ETFDH: variants seen among roughly 807,000 people sequenced by gnomAD.
The protein encoded by ETFDH is electron transfer flavoprotein dehydrogenase.
A neutral mutation model predicts 73.2 loss-of-function variants in ETFDH; 61 were observed. The ratio of observed to expected loss-of-function variants is 0.83; its 90% CI spans 0.68 to 1.03. ETFDH has a LOEUF of 1.03. Among genes scored for constraint, ETFDH ranks in the 50% least tolerant of loss-of-function variants. The pLI, the probability that ETFDH is intolerant of heterozygous loss-of-function variation, is 0.00. For synonymous variants in ETFDH, 243 were observed against 253.3 expected, an observed-to-expected ratio of 0.96 and a Z score of 0.39; for missense variants, 685 against 745.0, an observed-to-expected ratio of 0.92 and a Z score of 0.94.
chr4:158,708,039 G>A (rs925707526), intron 12 of ETFDH, among the ~76,000 whole-genome samples: 1 of 152,244 alleles, frequency 6.6e-6, no homozygotes, highest in African/African-American at 2.4e-5. Context: ...GTCTACTGGG[G>A]ATCTTGGAAC....
rs143095433 is a variant in ETFDH, at chr4:158,704,097, C to G, written c.1285+506C>G. Among the ~76,000 whole-genome samples, 1,285 of 152,274 alleles carry G rather than the reference C, an allele frequency of 8.4e-3. 16 individuals are homozygous for G. Among genetic ancestry groups the G allele is most frequent in the Middle Eastern group, 0.024 (7 of 294 alleles). On this transcript the variant is annotated intron_variant, in intron 10 of 12. Coordinates refer to ENST00000511912, the MANE Select transcript of ETFDH (RefSeq NM_004453.4). Reference sequence around the variant, plus strand: ...CTGGGCAACAAGAGCAAAACTCCATCCCCCACACACAAAAAAGAAAAGAAC... The same window carrying G: ...CTGGGCAACAAGAGCAAAACTCCATGCCCCACACACAAAAAAGAAAAGAAC...
chr4:158,690,293 TCAAGA>T, intron 5 of ETFDH, 50 bp from the exon 6 acceptor site: 1 of 979,350 alleles, frequency 1.0e-6, no homozygotes, highest in Non-Finnish European at 1.7e-6. Context: ...ACTGTTTTTT[TCAAGA>T]TTATTATGAA....
chr4:158,687,524 G>A (rs1774036701), intron 5 of ETFDH, among the ~76,000 whole-genome samples: 1 of 152,098 alleles, frequency 6.6e-6, no homozygotes, highest in African/African-American at 2.4e-5. Context: ...TTTGAGTTTT[G>A]AGTTCTTTCA....
rs1773777689 is a variant in ETFDH at position 158,678,926 on chromosome 4, A to T, written c.35-1541A>T. Among the ~76,000 whole-genome samples the T allele has an allele frequency of 2.0e-5, 3 of 152,222 alleles. No individual in the cohort carries two copies. In the Middle Eastern group the frequency reaches 0.01, roughly 518 times the overall value. ...TCCTCCCGCCTTAGCTGAGATTTAC[A>T]GTCATGAGCCACTGTGCCCAGCCAA... On this transcript the variant is annotated intron_variant, in intron 1 of 12. Transcript: ENST00000511912.
At chr4:158,698,397 A>T (rs1031441292) in intron 8 of ETFDH, among the ~76,000 whole-genome samples, 1 of 152,198 alleles carries the variant, frequency 6.6e-6, no homozygotes, top group Non-Finnish European at 1.5e-5. Flanking sequence ...ACTTAATTGT[A>T]TCAAAGGAAA....
In ETFDH at chr4:158,709,515, G is replaced by C; in HGVS notation, c.*988G>C. The C allele has an allele frequency of 2.8e-6, 1 of 359,676 alleles. No individual in the cohort carries two copies. The highest frequency in any genetic ancestry group is 5.7e-5 in the South Asian group (1 of 17,656). 22.3% of individuals were successfully genotyped at this position (359,676 alleles called of 1,614,324 possible). The stretch of plus-strand genomic sequence containing the variant: ...CCACCGCACTCCAGCCTGGGTGACA[G>C]AGCAAGACTCCATCTCAAAGAAACA... On this transcript the variant is annotated 3_prime_UTR_variant, in exon 13 of 13. Transcript: ENST00000511912.
At position 158,708,694 on chromosome 4, in the gene ETFDH, C is replaced by T. The variant is rs1008241972; in HGVS notation, c.*167C>T. The T allele has an allele frequency of 1.3e-5, 8 of 622,542 alleles. No individual in the cohort carries two copies. Among genetic ancestry groups the T allele is most frequent in the East Asian group, 2.9e-5 (1 of 35,014 alleles). The allele number at this position is 622,542 out of a possible 1,614,324, so 38.6% of individuals were successfully genotyped here. A position where few individuals can be genotyped will look rare whatever the true frequency, so the allele number is the denominator to read the frequency against. ...GTAAGATTGTCCCATAAAGAAATTA[C>T]GGGTATTGCTTTTAAATAACCTTTA... On this transcript the variant is annotated 3_prime_UTR_variant, in exon 13 of 13. Coordinates refer to ENST00000511912, the MANE Select transcript of ETFDH (RefSeq NM_004453.4).
chr4:158,708,423 C>G lies in ETFDH; in HGVS notation c.1750C>G (p.Gln584Glu). The change falls in exon 13 of 13, where the codon CAG (glutamine) becomes GAG (glutamate). Residue 584 changes from glutamine (Q) to glutamate (E), a missense_variant. Coordinates refer to ENST00000511912, the MANE Select transcript of ETFDH (RefSeq NM_004453.4). ...TGGATTTCGGTTACAGATAAATGCT[C>G]AGAACTGTGTACATTGTAAAACATG... ...GDGFRLQINA[Q>E]NCVHCKTCDI... is the part of the protein sequence containing the mutation. 6.2e-7 allele frequency: 1 copy of G among 1,610,990 alleles called. No homozygotes were observed. The highest frequency in any genetic ancestry group is 8.5e-7 in the Non-Finnish European group (1 of 1,177,202).
Position 158,685,189 on chromosome 4 carries a change from TG to T in ETFDH, c.577del (p.Glu193LysfsTer19). On this transcript the variant is annotated frameshift_variant, in exon 5 of 13. Transcript: ENST00000511912. LOFTEE classifies it high-confidence loss of function. The stretch of plus-strand genomic sequence containing the variant: ...GCGAACAAGCAGAAGCCCTTGGTGT[TG>T]AAGTATACCCTGGTTATGCAGCTGC... Reference protein sequence around the residue: ...MGEQAEALGVEVYPGYAAAEV... With the variant: ...MGEQAEALGVXVYPGYAAAEV... 1.2e-6 allele frequency: 2 copies of T among 1,609,282 alleles called. No individual in the cohort carries two copies. Among genetic ancestry groups the T allele is most frequent in the African/African-American group, 2.7e-5 (2 of 74,952 alleles).
chr4:158,693,724 AAAACCTGTGAAAAAACAGAC>A (rs1173488749), intron 6 of ETFDH, among the ~76,000 whole-genome samples: 1 of 152,214 alleles, frequency 6.6e-6, no homozygotes, highest in Non-Finnish European at 1.5e-5. Flanking sequence ...CAAGATACTA[AAAACCTGTGAAAAAACAGAC>A]AAACCTTTTT....
intron 7 of ETFDH, among the ~76,000 whole-genome samples, chr4:158,696,725 T>C (rs78669999): frequency 0.012 from 1,770 of 152,246 alleles, 27 homozygotes; most frequent in African/African-American, 0.038. Context: ...GAAAAGAGGG[T>C]GAACAATTTA....
At position 158,703,422 on chromosome 4, in the gene ETFDH, G is replaced by A. The variant is rs1774518252; in HGVS notation, c.1117-1G>A. 1.9e-6 allele frequency: 3 copies of A among 1,604,752 alleles called. No individual in the cohort carries two copies. The South Asian group carries it at 3.3e-5, about 18-fold the overall frequency. On this transcript the variant is annotated splice_acceptor_variant, in intron 9 of 12. Transcript: ENST00000511912. LOFTEE classifies it high-confidence loss of function. The stretch of plus-strand genomic sequence containing the variant: ...TGTATTCTGAATCTTTGTTTCCTCA[G>A]TCTATACCAAAACTCACCTTTCCTG...
intron 10 of ETFDH, among the ~76,000 whole-genome samples, chr4:158,705,156 CTTTA>C: frequency 6.6e-6 from 1 of 152,238 alleles, no homozygotes; most frequent in African/African-American, 2.4e-5. Context: ...AATTTGTCCT[CTTTA>C]TTAAGTGCAT....
chr4:158,703,925 C>G (rs377206317), intron 10 of ETFDH, among the ~76,000 whole-genome samples: 1 of 152,110 alleles, frequency 6.6e-6, no homozygotes, highest in African/African-American at 2.4e-5. Context: ...GGTGAAACCC[C>G]GTCTCTACTA....
At chr4:158,702,542 G>A (rs934089970) in intron 9 of ETFDH, among the ~76,000 whole-genome samples, 2 of 151,006 alleles carry the variant, frequency 1.3e-5, no homozygotes, top group African/African-American at 4.9e-5. Context: ...AACTTTTTAA[G>A]TTTCCATATA....
chr4:158,685,118 C>T lies in ETFDH; in HGVS notation c.505C>T (p.His169Tyr). Residue 169 changes from histidine (H) to tyrosine (Y), a missense_variant, in exon 5 of 13, where the codon CAT becomes TAT. Physicochemically the swap from His to Tyr is moderately conservative, Grantham distance 83. This residue lies in a region of ETFDH where 405 missense variants were observed against 399.3 expected (regional missense o/e 1.01). Transcript: ENST00000511912. ...ATTTATAGGGCTTCCAATGAATAAT[C>T]ATGGCAATTACATTGTACGCTTGGG... Reference protein sequence around the residue: ...PILPGLPMNNHGNYIVRLGHL... With the variant: ...PILPGLPMNNYGNYIVRLGHL... 6.2e-7 allele frequency: 1 copy of T among 1,603,772 alleles called. No homozygotes were observed. Among genetic ancestry groups the T allele is most frequent in the Non-Finnish European group, 8.5e-7 (1 of 1,170,986 alleles).
chr4:158,701,974 TA>T (rs1393264017), intron 9 of ETFDH, among the ~76,000 whole-genome samples: 6 of 152,216 alleles, frequency 3.9e-5, no homozygotes, highest in Admixed American at 6.5e-5. Context: ...TTATCTATTT[TA>T]TTTTGGAAAT....
chr4:158,707,537 C>T (rs951867125), intron 12 of ETFDH, among the ~76,000 whole-genome samples: 7 of 152,162 alleles, frequency 4.6e-5, no homozygotes, highest in African/African-American at 1.7e-4. Context: ...AAATTGTGCA[C>T]GTTAAGTTTT....
chr4:158,703,088 A>T (rs896804201), intron 9 of ETFDH, among the ~76,000 whole-genome samples: 2 of 152,188 alleles, frequency 1.3e-5, no homozygotes, highest in African/African-American at 4.8e-5. Context: ...AGGTTTAGAG[A>T]ATATTTTAAC....
Sources: gnomAD v4.1 joint callset for allele counts (sites outside exome capture counted in the v4.1 genomes callset) on GRCh38, gnomAD v4.1.1 for gene constraint, gnomAD v4.1.1 regional missense constraint, MANE v1.5 for transcripts, NCBI Gene and HGNC (gene_info 2026-07-23, HGNC 2026-07-21) for gene names.